XKR6: variants seen among roughly 807,000 people sequenced by gnomAD.
XKR6 encodes the protein XK related 6.
In XKR6, 22 loss-of-function variants were observed where a neutral mutation model predicts 56.7. The ratio of observed to expected loss-of-function variants is 0.39; its 90% CI spans 0.28 to 0.55. The LOEUF (loss-of-function observed/expected upper bound fraction) is 0.55. XKR6 is among the 20% of genes least tolerant of loss of function. XKR6 has a pLI of 0.66. For missense variants in XKR6, 852 were observed against 889.0 expected (o/e 0.96, Z 0.53); for synonymous variants, 524 against 387.8 (o/e 1.35, Z -4.13).
At chr8:10,906,921 G>GC (rs972324663) in intron 2 of XKR6, among the ~76,000 whole-genome samples, 1 of 152,168 alleles carries the variant, frequency 6.6e-6, no homozygotes, top group African/African-American at 2.4e-5. Flanking sequence ...GGTGGCAAGT[G>GC]CCCATAGTCC....
intron 1 of XKR6, among the ~76,000 whole-genome samples, chr8:11,154,491 T>C (rs1171072188): frequency 2.0e-5 from 3 of 152,232 alleles, no homozygotes; most frequent in Non-Finnish European, 2.9e-5. Context: ...ATCTTTTCCC[T>C]TTAATAAACC....
At chr8:11,055,579 C>G (rs1799661183) in intron 1 of XKR6, among the ~76,000 whole-genome samples, 1 of 152,210 alleles carries the variant, frequency 6.6e-6, no homozygotes, top group African/African-American at 2.4e-5. Flanking sequence ...AGCAGCCCCT[C>G]TGGGAAGTCT....
At chr8:11,099,652 C>T (rs527778080) in intron 1 of XKR6, among the ~76,000 whole-genome samples, 1 of 152,230 alleles carries the variant, frequency 6.6e-6, no homozygotes, top group Non-Finnish European at 1.5e-5. Context: ...TACTCATTCA[C>T]TCGCTCAAAT....
At chr8:10,943,756 A>C (rs190313991) in intron 1 of XKR6, among the ~76,000 whole-genome samples, 1 of 152,032 alleles carries the variant, frequency 6.6e-6, no homozygotes, top group Non-Finnish European at 1.5e-5. Context: ...CAGGTGGTTG[A>C]CTCGAGAGGG....
chr8:10,942,428 C>T (rs912497453), intron 1 of XKR6, among the ~76,000 whole-genome samples: 4 of 152,222 alleles, frequency 2.6e-5, no homozygotes, highest in African/African-American at 7.2e-5. Context: ...TTGCTGTGGG[C>T]GAGGTCTCTT....
intron 1 of XKR6, among the ~76,000 whole-genome samples, chr8:11,147,850 A>C (rs1298338866): frequency 6.6e-6 from 1 of 152,160 alleles, no homozygotes; most frequent in Admixed American, 6.5e-5. Flanking sequence ...ATTCATAGGA[A>C]GGCCTAATTC....
intron 1 of XKR6, among the ~76,000 whole-genome samples, chr8:11,148,849 A>C (rs1801125232): frequency 6.6e-6 from 1 of 152,378 alleles, no homozygotes; most frequent in South Asian, 2.1e-4. Flanking sequence ...TAAAAAGGAA[A>C]GAACTATTAA....
At chr8:11,081,501 T>C (rs2129169970) in intron 1 of XKR6, among the ~76,000 whole-genome samples, 1 of 152,354 alleles carries the variant, frequency 6.6e-6, no homozygotes, top group South Asian at 2.1e-4. Context: ...AATGTGGACA[T>C]TTAATTCATT....
At chr8:11,089,159 C>T (rs568228483) in intron 1 of XKR6, among the ~76,000 whole-genome samples, 1 of 152,040 alleles carries the variant, frequency 6.6e-6, no homozygotes, top group African/African-American at 2.4e-5. Context: ...AGAATGAAAC[C>T]AGGGAGTGGA....
chr8:11,091,458 G>GA (rs1798069100), intron 1 of XKR6, among the ~76,000 whole-genome samples: 1 of 148,302 alleles, frequency 6.7e-6, no homozygotes, highest in African/African-American at 2.5e-5. Flanking sequence ...TAAATAAATA[G>GA]ATAGATAGAT....
intron 1 of XKR6, among the ~76,000 whole-genome samples, chr8:11,070,486 G>T (rs904854893): frequency 6.6e-6 from 1 of 152,160 alleles, no homozygotes; most frequent in African/African-American, 2.4e-5. Context: ...GGTGGTGGTG[G>T]TTAAAAAGCA....
chr8:10,980,676 C>G (rs1266429015), intron 1 of XKR6, among the ~76,000 whole-genome samples: 1 of 152,174 alleles, frequency 6.6e-6, no homozygotes, highest in Non-Finnish European at 1.5e-5. Context: ...ATCTGTCTGT[C>G]TATCTCTCTA....
At chr8:11,156,289 C>A (rs1397658990) in intron 1 of XKR6, among the ~76,000 whole-genome samples, 1 of 152,136 alleles carries the variant, frequency 6.6e-6, no homozygotes, top group African/African-American at 2.4e-5. Context: ...TGATTTAACT[C>A]TTCCTCACTC....
At chr8:11,126,361 C>T (rs1022430650) in intron 1 of XKR6, among the ~76,000 whole-genome samples, 1 of 152,130 alleles carries the variant, frequency 6.6e-6, no homozygotes, top group Non-Finnish European at 1.5e-5. Flanking sequence ...CCACTGTGCC[C>T]GGCCTACTTT....
intron 1 of XKR6, among the ~76,000 whole-genome samples, chr8:11,143,466 T>C (rs4841501): frequency 0.53 from 80,114 of 152,184 alleles, 25,069 homozygotes; most frequent in African/African-American, 0.86. Context: ...GACAGAGGAA[T>C]ATGTTGAATT....
intron 1 of XKR6, among the ~76,000 whole-genome samples, chr8:10,947,848 G>A (rs1801597546): frequency 6.6e-6 from 1 of 152,228 alleles, no homozygotes; most frequent in Admixed American, 6.5e-5. Context: ...CTTTGGGGAT[G>A]TGATCACACA....
In XKR6 at chr8:11,047,612, G is replaced by A. The variant is rs915173674; in HGVS notation, c.765-122782C>T. 3.3e-5 allele frequency among the ~76,000 whole-genome samples: 5 copies of A among 152,172 alleles called. No individual in the cohort carries two copies. The East Asian group carries it at 9.6e-4, about 29-fold the overall frequency. On this transcript the variant is annotated intron_variant, in intron 1 of 2. Transcript: ENST00000416569. ...AGAAAGTAGAATGAGGGTTGCCAGG[G>A]GCTGGGAAAAGGGGGCATGAGGAGT...
intron 1 of XKR6, among the ~76,000 whole-genome samples, chr8:10,962,345 G>C (rs1483560803): frequency 6.6e-6 from 1 of 152,144 alleles, no homozygotes; most frequent in Non-Finnish European, 1.5e-5. Flanking sequence ...CCCCTGACTC[G>C]TAGTCCCCAT....
chr8:11,154,630 C>T (rs538464589), intron 1 of XKR6, among the ~76,000 whole-genome samples: 4 of 152,196 alleles, frequency 2.6e-5, no homozygotes, highest in African/African-American at 9.6e-5. Context: ...TCTTGGAAAT[C>T]ACACCTCACA....
Sources: gnomAD v4.1 joint callset for allele counts (sites outside exome capture counted in the v4.1 genomes callset) on GRCh38, gnomAD v4.1.1 for gene constraint, MANE v1.5 for transcripts, NCBI Gene and HGNC (gene_info 2026-07-23, HGNC 2026-07-21) for gene names.